Variants in BASP1 observed in about 807,000 individuals in gnomAD.
BASP1 encodes the protein brain acid soluble protein 1.
Under a neutral mutation model 2.2 loss-of-function variants are expected in BASP1, and 1 was observed. The observed-to-expected ratio is 0.46, with a 90% CI of 0.16 to 2.17. The LOEUF (loss-of-function observed/expected upper bound fraction) is 2.17. BASP1 is among the 30% of genes most tolerant of loss of function. BASP1 has a pLI of 0.27. For synonymous variants in BASP1, 187 were observed against 154.2 expected (o/e 1.21, Z -1.58); for missense variants, 352 against 327.2 (o/e 1.08, Z -0.58).
intron 1 of BASP1, among the ~76,000 whole-genome samples, chr5:17,256,629 C>G (rs1740216798): frequency 6.6e-6 from 1 of 152,180 alleles, no homozygotes; most frequent in Non-Finnish European, 1.5e-5. Flanking sequence ...TGTTTAATGT[C>G]AGCAGCTAGT....
chr5:17,263,280 A>AT (rs936900347), intron 1 of BASP1, among the ~76,000 whole-genome samples: 302 of 149,772 alleles, frequency 2.0e-3, no homozygotes, highest in African/African-American at 6.2e-3. Context: ...GTAGTATTAC[A>AT]TTTTTTTTTT....
At chr5:17,217,093 A>AGAGAGAGAGAGTGAGAGAGT (rs1561160799), upstream of BASP1, 2 of 139,556 alleles carry the variant, frequency 1.4e-5, no homozygotes, top group South Asian at 4.7e-4. Flanking sequence ...AGAGAGAGAG[A>AGAGAGAGAGAGTGAGAGAGT]GAGTGAGTGA....
Position 17,275,773 on chromosome 5 carries a change from C to A in BASP1, c.557C>A (p.Thr186Asn). ...SSEAAPSSKE[T>N]PAATEAPSST... The stretch of plus-strand genomic sequence containing the variant: ...GAGGCTGCCCCCTCTTCCAAGGAGA[C>A]CCCCGCAGCCACGGAAGCGCCTAGT... The change falls in exon 2 of 2, where the codon ACC becomes AAC. Residue 186 changes from threonine to asparagine, a missense_variant. Transcript: ENST00000322611. The surrounding 1 kb of genome is among the most constrained non-coding windows in gnomAD (Gnocchi z 5.3). 6.2e-7 allele frequency: 1 copy of A among 1,613,058 alleles called. No homozygotes were observed. The highest frequency in any genetic ancestry group is 1.1e-5 in the South Asian group (1 of 91,046).
chr5:17,245,301 CCG>C (rs1479920140), intron 1 of BASP1, among the ~76,000 whole-genome samples: 4 of 118,294 alleles, frequency 3.4e-5, no homozygotes, highest in Non-Finnish European at 7.7e-5. Flanking sequence ...AAGTGAGACT[CCG>C]TCTCAAAAAA....
chr5:17,224,381 C>T (rs1007698855), intron 1 of BASP1, among the ~76,000 whole-genome samples: 4 of 71,420 alleles, frequency 5.6e-5, no homozygotes, highest in Non-Finnish European at 8.6e-5. Context: ...GATTTCAATC[C>T]GTGTAGATGG....
At chr5:17,248,744 A>G (rs1487642209) in intron 1 of BASP1, among the ~76,000 whole-genome samples, 2 of 152,214 alleles carry the variant, frequency 1.3e-5, no homozygotes, top group African/African-American at 4.8e-5. Flanking sequence ...ATGGGTGCCT[A>G]CAAGATGGCA....
chr5:17,249,538 G>T (rs967867079), intron 1 of BASP1, among the ~76,000 whole-genome samples: 5 of 151,996 alleles, frequency 3.3e-5, no homozygotes, highest in Admixed American at 2.0e-4. Context: ...GCATTTTCCT[G>T]GCATACACTT....
intron 1 of BASP1, among the ~76,000 whole-genome samples, chr5:17,222,461 G>A (rs1365979301): frequency 1.3e-5 from 2 of 152,308 alleles, no homozygotes; most frequent in East Asian, 3.9e-4. Context: ...TGAGGCAGAC[G>A]TCTAGGTAAG....
At position 17,276,818 on chromosome 5, in the gene BASP1, TAAAC is replaced by T. The variant is rs1740677617; in HGVS notation, c.*921_*924del. 1 of 166,998 alleles carries T rather than the reference TAAAC, an allele frequency of 6.0e-6. No individual in the cohort carries two copies. Among genetic ancestry groups the T allele is most frequent in the Non-Finnish European group, 1.5e-5 (1 of 68,106 alleles). 10.3% of individuals were successfully genotyped at this position (166,998 alleles called of 1,614,324 possible). On this transcript the variant is annotated 3_prime_UTR_variant, in exon 2 of 2. Transcript: ENST00000322611. ...ATAAATGGTGCAACAGTAATAAAGT[TAAAC>T]AATTAAAAAGAAGTAATAAAGACTA...
rs768130715 is a variant in BASP1, at chr5:17,275,366, G to A, written c.150G>A (p.Glu50=). 19 of 1,599,790 alleles carry A rather than the reference G, an allele frequency of 1.2e-5. No homozygotes were observed. Among genetic ancestry groups the A allele is most frequent in the Non-Finnish European group, 1.6e-5 (19 of 1,173,606 alleles). The change falls in exon 2 of 2, where the codon GAG becomes GAA. Residue 50 remains glutamate (E), a synonymous_variant. Coordinates refer to ENST00000322611, the MANE Select transcript of BASP1 (RefSeq NM_006317.5). The surrounding 1 kb of genome is among the most constrained non-coding windows in gnomAD (Gnocchi z 5.3). ...SEPQAAAEPA[E]AKEGKEKPDQ... is the part of the protein sequence containing the mutation. ...CCCAGGCGGCCGCAGAGCCCGCCGA[G>A]GCCAAGGAGGGCAAGGAGAAGCCCG...
rs75892054 is a variant in BASP1 at position 17,254,900 on chromosome 5, T to C, written c.-9-20308T>C. On this transcript the variant is annotated intron_variant, in intron 1 of 1. Transcript: ENST00000322611. ...TCCCACATTGGACAGACGATTTCAG[T>C]TGACACCAAAGGAAGTAAGAATTTT... 2.0e-4 allele frequency among the ~76,000 whole-genome samples: 31 copies of C among 152,332 alleles called. No individual in the cohort carries two copies. In the East Asian group the frequency reaches 4.3e-3, roughly 21 times the overall value.
At chr5:17,227,330 G>A (rs900065939) in intron 1 of BASP1, among the ~76,000 whole-genome samples, 2 of 141,244 alleles carry the variant, frequency 1.4e-5, no homozygotes, top group East Asian at 2.1e-4. Flanking sequence ...AGCAATTCTC[G>A]TGCCTCAGCC....
upstream of BASP1, chr5:17,217,500 G>A (rs1739278082): frequency 8.0e-6 from 1 of 125,096 alleles, no homozygotes; most frequent in Non-Finnish European, 1.7e-5. Flanking sequence ...GGAGGGAGGG[G>A]AGAGAGGCGG....
chr5:17,241,798 C>G (rs1739868211), intron 1 of BASP1, among the ~76,000 whole-genome samples: 1 of 152,122 alleles, frequency 6.6e-6, no homozygotes, highest in African/African-American at 2.4e-5. Flanking sequence ...GGGGACAGTT[C>G]ACAGGAACAA....
chr5:17,263,815 G>A (rs942246598), intron 1 of BASP1, among the ~76,000 whole-genome samples: 10 of 152,098 alleles, frequency 6.6e-5, no homozygotes, highest in East Asian at 1.9e-4. Context: ...AAATTGTCTC[G>A]AATGTTTTCT....
At chr5:17,239,976 G>A (rs767447978) in intron 1 of BASP1, among the ~76,000 whole-genome samples, 8 of 152,046 alleles carry the variant, frequency 5.3e-5, no homozygotes, top group Non-Finnish European at 7.4e-5. Flanking sequence ...GAATATATGT[G>A]TTCCACCAAA....
At chr5:17,243,251 C>A (rs1430421740) in intron 1 of BASP1, among the ~76,000 whole-genome samples, 2 of 151,904 alleles carry the variant, frequency 1.3e-5, no homozygotes, top group African/African-American at 2.4e-5. Context: ...TGGGTTCAAG[C>A]AATTCTTGTG....
rs746640827 is a variant in BASP1, at chr5:17,275,441, G to A, written c.225G>A (p.Ala75=). Residue 75 remains alanine, a synonymous_variant, in exon 2 of 2, where the codon GCG becomes GCA. Coordinates refer to ENST00000322611, the MANE Select transcript of BASP1 (RefSeq NM_006317.5). The surrounding 1 kb of genome is among the most constrained non-coding windows in gnomAD (Gnocchi z 5.3). ...KAEEKEGEKD[A]AAAKEEAPKA... The stretch of plus-strand genomic sequence containing the variant: ...AGGAGAAGGAGGGCGAGAAGGACGC[G>A]GCGGCTGCCAAGGAGGAGGCCCCGA... 1.3e-5 allele frequency: 20 copies of A among 1,526,834 alleles called. No individual in the cohort carries two copies. In the East Asian group the frequency reaches 1.7e-4, roughly 13 times the overall value. 94.6% of individuals were successfully genotyped at this position (1,526,834 alleles called of 1,614,324 possible). A position where few individuals can be genotyped will look rare whatever the true frequency, so the allele number is the denominator to read the frequency against.
At chr5:17,218,945 T>C (rs1056853310) in intron 1 of BASP1, among the ~76,000 whole-genome samples, 5 of 152,024 alleles carry the variant, frequency 3.3e-5, no homozygotes, top group Non-Finnish European at 7.4e-5. Context: ...ATTCTCACTC[T>C]GCTGAAATTA....
Sources: allele counts gnomAD v4.1 joint callset (sites outside exome capture counted in the v4.1 genomes callset), GRCh38; gene constraint gnomAD v4.1.1; non-coding constraint Gnocchi (gnomAD v3.1); transcripts MANE v1.5; gene names NCBI Gene and HGNC (gene_info 2026-07-23, HGNC 2026-07-21).